Variants in SYTL2 observed in about 807,000 individuals in gnomAD.
SYTL2 encodes the protein synaptotagmin like 2.
In SYTL2, 165 loss-of-function variants were observed where a neutral mutation model predicts 198.7. The observed-to-expected ratio is 0.83, with a 90% CI of 0.73 to 0.94. The LOEUF is 0.94. Among genes scored for constraint, SYTL2 ranks in the 40% least tolerant of loss-of-function variants. The pLI is 0.00. For synonymous variants in SYTL2, 966 were observed against 917.7 expected, an observed-to-expected ratio of 1.05 and a Z score of -0.95; for missense variants, 2,835 against 2,582.8, an observed-to-expected ratio of 1.10 and a Z score of -2.12.
chr11:85,798,764 G>A lies in SYTL2; in HGVS notation c.-390+12190C>T, dbSNP rs193070628. On this transcript the variant is annotated intron_variant, in intron 1 of 19. Coordinates refer to ENST00000359152, the MANE Select transcript of SYTL2 (RefSeq NM_206927.4). ...CATCTGAAATGTTACCAACCAGACT[G>A]TTCATTAGAGATTCAGTGCCCAGAG... Among the ~76,000 whole-genome samples the A allele has an allele frequency of 8.8e-4, 134 of 152,314 alleles. 1 individual carries two copies. The highest frequency in any genetic ancestry group is 3.0e-3 in the African/African-American group (125 of 41,564).
At chr11:85,800,854 C>G (rs1010189675) in intron 1 of SYTL2, among the ~76,000 whole-genome samples, 1 of 152,234 alleles carries the variant, frequency 6.6e-6, no homozygotes, top group Non-Finnish European at 1.5e-5. Flanking sequence ...ATTAATAGTT[C>G]AAGTGCAGAT....
In SYTL2 at chr11:85,724,901, G is replaced by A. The variant is rs2088905419; in HGVS notation, c.4457C>T (p.Thr1486Ile). 6.2e-7 allele frequency: 1 copy of A among 1,614,020 alleles called. No individual in the cohort carries two copies. The highest frequency in any genetic ancestry group is 1.1e-5 in the South Asian group (1 of 91,080). Residue 1486 changes from threonine to isoleucine, a missense_variant, in exon 8 of 20, where the codon ACA becomes ATA. Transcript: ENST00000359152. ...GAACTCTGATTTGGGTTGAACAATT[G>A]TTTCCCTCACAATTTCTTCCACTTC... ...PQEVEEIVRE[T>I]IVQPKSEFLE...
chr11:85,705,110 T>C, intron 15 of SYTL2, 82 bp from the exon 16 acceptor site: 2 of 1,110,024 alleles, frequency 1.8e-6, no homozygotes, highest in South Asian at 1.6e-5. Flanking sequence ...GAGAAATTCA[T>C]CTGTATATAG....
the SYTL2 span, among the ~76,000 whole-genome samples, chr11:85,850,688 ATGAC>A: frequency 6.6e-6 from 1 of 151,210 alleles, no homozygotes; most frequent in African/African-American, 2.4e-5. Flanking sequence ...ATATACCCAA[ATGAC>A]TATAAATCAT....
upstream of SYTL2, among the ~76,000 whole-genome samples, chr11:85,813,923 A>G (rs1425333809): frequency 1.3e-5 from 2 of 152,102 alleles, no homozygotes; most frequent in East Asian, 1.9e-4. Context: ...TGGTTTCGCA[A>G]TGTTGACCTC....
At chr11:85,832,953 T>C in the SYTL2 span, among the ~76,000 whole-genome samples, 1 of 146,140 alleles carries the variant, frequency 6.8e-6, no homozygotes, top group African/African-American at 2.5e-5. Flanking sequence ...CTATGATTGC[T>C]CCACTGCACT....
chr11:85,805,806 C>T (rs1179067120), intron 1 of SYTL2, among the ~76,000 whole-genome samples: 5 of 152,166 alleles, frequency 3.3e-5, no homozygotes, highest in Admixed American at 2.6e-4. Context: ...TTGTTTGCTA[C>T]GTCTTATATC....
In SYTL2 at chr11:85,707,519, G is replaced by C. The variant is rs1179671386; in HGVS notation, c.5928C>G (p.Ala1976=). ...TTTTGCCTTTGTCTGGTAGCAAATAGGCCTTTACATATCTGAAAAGGAGAA... is the reference window on the plus strand; with the variant it reads ...TTTTGCCTTTGTCTGGTAGCAAATACGCCTTTACATATCTGAAAAGGAGAA... The part of the protein sequence containing the change: ...KKQRSDPYVK[A]YLLPDKGKMG... Residue 1976 remains alanine (A), a synonymous_variant, in exon 15 of 20, where the codon GCC becomes GCG. Transcript: ENST00000359152. 3 of 1,608,022 alleles carry C rather than the reference G, an allele frequency of 1.9e-6. No individual in the cohort carries two copies. The highest frequency in any genetic ancestry group is 2.7e-5 in the African/African-American group (2 of 74,294).
intron 1 of SYTL2, among the ~76,000 whole-genome samples, chr11:85,766,939 A>C (rs975888372): frequency 6.6e-6 from 1 of 152,228 alleles, no homozygotes; most frequent in South Asian, 2.1e-4. Context: ...TTGCTTCAAT[A>C]AACAGCAGTA....
chr11:85,810,464 GGT>G (rs1325710598), intron 1 of SYTL2, among the ~76,000 whole-genome samples: 2 of 152,126 alleles, frequency 1.3e-5, no homozygotes, highest in Non-Finnish European at 2.9e-5. Context: ...CGTGGGACGA[GGT>G]GTGGGTATGG....
intron 6 of SYTL2, among the ~76,000 whole-genome samples, chr11:85,735,660 G>C (rs1330401342): frequency 6.6e-6 from 1 of 152,106 alleles, no homozygotes; most frequent in Admixed American, 6.5e-5. Context: ...AGAAGGCTGA[G>C]GCACTAGAAG....
chr11:85,822,025 C>T, the SYTL2 span, among the ~76,000 whole-genome samples: 2 of 152,242 alleles, frequency 1.3e-5, no homozygotes, highest in Non-Finnish European at 2.9e-5. Context: ...ACTCATTTAT[C>T]TGCTTTCCAT....
rs1001062931 is a variant in SYTL2 at position 85,700,971 on chromosome 11, T to C, written c.6190-378A>G. Among the ~76,000 whole-genome samples, 17 of 152,190 alleles carry C rather than the reference T, an allele frequency of 1.1e-4. No individual in the cohort carries two copies. In the East Asian group the frequency reaches 2.9e-3, roughly 26 times the overall value. On this transcript the variant is annotated intron_variant, in intron 16 of 19. Coordinates refer to ENST00000359152, the MANE Select transcript of SYTL2 (RefSeq NM_206927.4). ...TAAAACAATTTATTTGTATTCCCTT[T>C]ATTTGAAGGAGTATGAGATAGTGTG...
chr11:85,792,092 CA>C (rs965282783), intron 1 of SYTL2, among the ~76,000 whole-genome samples: 2 of 151,444 alleles, frequency 1.3e-5, no homozygotes, highest in Admixed American at 1.3e-4. Context: ...GGAAGTTAGA[CA>C]AAAAAAATGG....
the SYTL2 span, chr11:85,854,083 C>A: frequency 2.6e-5 from 4 of 152,110 alleles, no homozygotes; most frequent in African/African-American, 9.7e-5. Flanking sequence ...GCAATCTGTC[C>A]ACCTCGGCCT....
chr11:85,718,041 G>A (rs1163474294), intron 10 of SYTL2, among the ~76,000 whole-genome samples: 1 of 152,166 alleles, frequency 6.6e-6, no homozygotes, highest in Non-Finnish European at 1.5e-5. Context: ...GCATTTATAT[G>A]GGAAAGCTCA....
chr11:85,803,133 C>T (rs1393354057), intron 1 of SYTL2, among the ~76,000 whole-genome samples: 1 of 152,190 alleles, frequency 6.6e-6, no homozygotes, highest in Non-Finnish European at 1.5e-5. Context: ...CTGGCAAGAA[C>T]ACAGTGAATA....
chr11:85,808,897 A>G (rs988098712), intron 1 of SYTL2, among the ~76,000 whole-genome samples: 1 of 152,062 alleles, frequency 6.6e-6, no homozygotes, highest in East Asian at 1.9e-4. Flanking sequence ...AAAAAAAAAA[A>G]AAGCCACATT....
chr11:85,707,461 T>G lies in SYTL2; in HGVS notation c.5986A>C (p.Thr1996Pro), dbSNP rs1293138777. The part of the protein sequence containing the change: ...GKKKTLVVKK[T>P]LNPVYNEILR... ...ATTTCGTTATACACAGGATTCAAGG[T>G]TTTCTTCACTACGAGTGTTTTCTTC... Residue 1996 changes from threonine (T) to proline (P), a missense_variant, in exon 15 of 20, where the codon ACC becomes CCC. Transcript: ENST00000359152. 5 of 1,613,938 alleles carry G rather than the reference T, an allele frequency of 3.1e-6. No homozygotes were observed. The highest frequency in any genetic ancestry group is 4.2e-6 in the Non-Finnish European group (5 of 1,179,962).
Sources: allele counts gnomAD v4.1 joint callset (sites outside exome capture counted in the v4.1 genomes callset), GRCh38; gene constraint gnomAD v4.1.1; transcripts MANE v1.5; gene names NCBI Gene and HGNC (gene_info 2026-07-23, HGNC 2026-07-21).